Variants in TDRP observed in about 807,000 individuals in gnomAD.
The protein encoded by TDRP is testis development related protein, also known as testis development-related protein.
A neutral mutation model predicts 10.5 loss-of-function variants in TDRP; 12 were observed. The ratio of observed to expected loss-of-function variants is 1.15; its 90% confidence interval spans 0.73 to 1.86. The LOEUF is 1.86. Among genes scored for constraint, TDRP ranks in the 40% most tolerant of loss-of-function variants. The probability of loss-of-function intolerance (pLI) is 0.00; values close to 1 mark genes in which losing one functional copy is unlikely to be tolerated. For synonymous variants in TDRP, 139 were observed against 95.4 expected (o/e 1.46, Z -2.67); for missense variants, 353 against 229.2 (o/e 1.54, Z -3.49).
intron 1 of TDRP, among the ~76,000 whole-genome samples, chr8:503,906 C>A (rs1248235596): frequency 4.7e-5 from 7 of 149,524 alleles, no homozygotes; most frequent in Admixed American, 4.0e-4. Flanking sequence ...CCCACCCCCA[C>A]CTCAGCACGC....
chr8:529,390 T>C (rs1167314673), intron 1 of TDRP, among the ~76,000 whole-genome samples: 1 of 152,240 alleles, frequency 6.6e-6, no homozygotes, highest in African/African-American at 2.4e-5. Flanking sequence ...TATACCAGAA[T>C]TTAAAGTTGT....
chr8:530,218 G>C (rs1410930158), intron 1 of TDRP, among the ~76,000 whole-genome samples: 1 of 151,852 alleles, frequency 6.6e-6, no homozygotes, highest in Non-Finnish European at 1.5e-5. Flanking sequence ...CTGTCTTGTT[G>C]TTGATATTCT....
chr8:511,907 A>C (rs1801629634), intron 1 of TDRP, among the ~76,000 whole-genome samples: 1 of 152,214 alleles, frequency 6.6e-6, no homozygotes, highest in African/African-American at 2.4e-5. Flanking sequence ...CATGGGATTC[A>C]GTTAAAGCAA....
intron 2 of TDRP, among the ~76,000 whole-genome samples, chr8:492,975 A>G (rs1445217929): frequency 6.6e-6 from 1 of 152,226 alleles, no homozygotes; most frequent in Non-Finnish European, 1.5e-5. Context: ...ATACATAAGC[A>G]AAGAACTAGT....
At chr8:525,287 G>T (rs1802007116) in intron 1 of TDRP, among the ~76,000 whole-genome samples, 1 of 152,106 alleles carries the variant, frequency 6.6e-6, no homozygotes, top group Admixed American at 6.6e-5. Context: ...ACCAACACCA[G>T]ATCTGTCCTA....
intron 1 of TDRP, among the ~76,000 whole-genome samples, chr8:497,416 G>A (rs531985593): frequency 3.3e-5 from 5 of 152,230 alleles, no homozygotes; most frequent in Admixed American, 1.3e-4. Flanking sequence ...AGAGGGAGAT[G>A]ATTTAGGATA....
At chr8:523,475 G>C (rs1445879965) in intron 1 of TDRP, among the ~76,000 whole-genome samples, 1 of 152,122 alleles carries the variant, frequency 6.6e-6, no homozygotes, top group East Asian at 1.9e-4. Context: ...CCACAGTAGG[G>C]TATAGCAGCA....
rs147726037 is a variant in TDRP, at chr8:530,945, A to G, written c.108+13705T>C. Among the ~76,000 whole-genome samples, 63 of 152,266 alleles carry G rather than the reference A, an allele frequency of 4.1e-4. 1 individual carries two copies. Among genetic ancestry groups the G allele is most frequent in the Middle Eastern group, 6.8e-3 (2 of 294 alleles). On this transcript the variant is annotated intron_variant, in intron 1 of 2. Transcript: ENST00000324079. The stretch of plus-strand genomic sequence containing the variant: ...GCACTGCTGAGTCTCTGATGCTGCA[A>G]AAAGCCAGTTAACTCTTTTTTCTCT...
intron 1 of TDRP, among the ~76,000 whole-genome samples, chr8:499,635 T>G (rs529397592): frequency 1.3e-4 from 20 of 152,354 alleles, no homozygotes; most frequent in African/African-American, 4.6e-4. Flanking sequence ...AGTGTGAGCG[T>G]GAGGAGTGCT....
chr8:531,622 G>C (rs546554523), intron 1 of TDRP, among the ~76,000 whole-genome samples: 2 of 152,184 alleles, frequency 1.3e-5, no homozygotes, highest in African/African-American at 4.8e-5. Context: ...TTTAATCACA[G>C]TTACAGACTG....
chr8:530,965 T>C (rs1272149672), intron 1 of TDRP, among the ~76,000 whole-genome samples: 1 of 152,156 alleles, frequency 6.6e-6, no homozygotes, highest in South Asian at 2.1e-4. Flanking sequence ...TAACTCTTTT[T>C]TCTCTGAAGC....
At chr8:502,393 T>G (rs1563118615) in intron 1 of TDRP, among the ~76,000 whole-genome samples, 1 of 152,158 alleles carries the variant, frequency 6.6e-6, no homozygotes, top group Non-Finnish European at 1.5e-5. Context: ...TTCACCAAAT[T>G]GCAGGGTGCC....
chr8:502,591 C>T (rs752996987), intron 1 of TDRP, among the ~76,000 whole-genome samples: 22 of 152,100 alleles, frequency 1.4e-4, no homozygotes, highest in African/African-American at 3.6e-4. Flanking sequence ...GTGGGACCTA[C>T]GCCTACCTCA....
intron 2 of TDRP, 106 bp downstream of exon 2, chr8:494,388 T>A: frequency 9.1e-7 from 1 of 1,098,096 alleles, no homozygotes. Context: ...CGCCCCACAA[T>A]GCCTCCAGTT....
Position 516,142 on chromosome 8 carries a change from G to A in TDRP, c.109-21545C>T, listed in dbSNP as rs568968662. On this transcript the variant is annotated intron_variant, in intron 1 of 2. Coordinates refer to ENST00000324079, the MANE Select transcript of TDRP (RefSeq NM_001384899.1). Reference sequence around the variant, plus strand: ...TATCCTCAAAGTACTACACTGGTCCGGTAGAGCGGTTCCTAAATGTGGTGG... The same window carrying A: ...TATCCTCAAAGTACTACACTGGTCCAGTAGAGCGGTTCCTAAATGTGGTGG... Among the ~76,000 whole-genome samples, 6 of 152,246 alleles carry A rather than the reference G, an allele frequency of 3.9e-5. No homozygotes were observed. In the South Asian group the frequency reaches 8.3e-4, roughly 21 times the overall value.
At chr8:543,767 C>G (rs1340734411) in intron 1 of TDRP, among the ~76,000 whole-genome samples, 1 of 152,116 alleles carries the variant, frequency 6.6e-6, no homozygotes, top group Non-Finnish European at 1.5e-5. Context: ...TCCAAGTCCT[C>G]GGAAGACAGG....
chr8:494,480 C>A lies in TDRP; in HGVS notation c.212+14G>T. ...CTCCTGAAATGATCATTTTCTTACA[C>A]AGTTATGACTTACCCTTTGGACTTG... is the stretch of plus-strand genomic sequence containing the variant. On this transcript the variant is annotated intron_variant, in intron 2 of 2. Transcript: ENST00000324079. The A allele has an allele frequency of 1.2e-6, 2 of 1,610,016 alleles. No individual in the cohort carries two copies. Among genetic ancestry groups the A allele is most frequent in the South Asian group, 1.1e-5 (1 of 90,916 alleles).
intron 1 of TDRP, among the ~76,000 whole-genome samples, chr8:498,321 G>C (rs544839090): frequency 6.6e-6 from 1 of 152,302 alleles, no homozygotes; most frequent in South Asian, 2.1e-4. Flanking sequence ...CCCACCCCTT[G>C]CATCAGCATG....
At chr8:493,986 T>G (rs904298084) in intron 2 of TDRP, among the ~76,000 whole-genome samples, 6 of 143,160 alleles carry the variant, frequency 4.2e-5, no homozygotes, top group African/African-American at 1.6e-4. Flanking sequence ...CACAACTCAT[T>G]TCTGTTGTTT....
Sources: allele counts gnomAD v4.1 joint callset (sites outside exome capture counted in the v4.1 genomes callset), GRCh38; gene constraint gnomAD v4.1.1; transcripts MANE v1.5; gene names NCBI Gene and HGNC (gene_info 2026-07-23, HGNC 2026-07-21).